Variants in AGMO observed in about 807,000 individuals in gnomAD.
AGMO encodes the protein alkylglycerol monooxygenase, also known as glyceryl-ether monooxygenase.
A neutral mutation model predicts 60.2 loss-of-function variants in AGMO; 75 were observed. The observed-to-expected ratio is 1.25, with a 90% CI of 1.03 to 1.51. AGMO has a LOEUF of 1.51. Among genes scored for constraint, AGMO ranks in the 40% most tolerant of loss-of-function variants. The pLI, the probability that AGMO is intolerant of heterozygous loss-of-function variation, is 0.00. For synonymous variants in AGMO, 261 were observed against 177.1 expected, an observed-to-expected ratio of 1.47 and a Z score of -3.76; for missense variants, 763 against 525.5, an observed-to-expected ratio of 1.45 and a Z score of -4.42.
At chr7:15,455,005 C>A (rs1781961316) in intron 3 of AGMO, among the ~76,000 whole-genome samples, 1 of 151,606 alleles carries the variant, frequency 6.6e-6, no homozygotes, top group Non-Finnish European at 1.5e-5. Flanking sequence ...TTTTATATGT[C>A]AACTACTCAC....
chr7:15,236,010 G>A (rs1782408091), intron 12 of AGMO, among the ~76,000 whole-genome samples: 1 of 152,012 alleles, frequency 6.6e-6, no homozygotes. Flanking sequence ...GGGACCTCAA[G>A]AGCAAGTTTA....
intron 12 of AGMO, among the ~76,000 whole-genome samples, chr7:15,297,314 G>T (rs1784432752): frequency 1.3e-5 from 2 of 152,104 alleles, no homozygotes; most frequent in South Asian, 4.1e-4. Context: ...ACTTCTAAAG[G>T]ACAAGAGTAC....
chr7:15,375,038 C>T (rs1328671178), intron 10 of AGMO, among the ~76,000 whole-genome samples: 2 of 152,054 alleles, frequency 1.3e-5, no homozygotes, highest in African/African-American at 4.8e-5. Context: ...TGGACATTCA[C>T]TAAGTAGAGA....
intron 3 of AGMO, among the ~76,000 whole-genome samples, chr7:15,492,607 T>TTTAATA (rs1554278967): frequency 6.7e-6 from 1 of 149,634 alleles, no homozygotes; most frequent in Non-Finnish European, 1.5e-5. Context: ...TGAGGAGGTT[T>TTTAATA]TTATTATTAT....
At chr7:15,127,678 A>G in the AGMO span, among the ~76,000 whole-genome samples, 2 of 152,148 alleles carry the variant, frequency 1.3e-5, no homozygotes, top group Non-Finnish European at 2.9e-5. Flanking sequence ...TGCTAAGAAT[A>G]GCTTTTCTAA....
rs1318225184 is a variant in AGMO, at chr7:15,311,725, A to T, written c.1263+53789T>A. ...AATAGGAGGTAATAAATTTCACAAG[A>T]AAACAAAGCATTTAAGTGAGAACAC... On this transcript the variant is annotated intron_variant, in intron 12 of 12. Coordinates refer to ENST00000342526, the MANE Select transcript of AGMO (RefSeq NM_001004320.2). Among the ~76,000 whole-genome samples the T allele has an allele frequency of 2.6e-5, 4 of 152,334 alleles. 1 individual carries two copies. Among genetic ancestry groups the T allele is most frequent in the Admixed American group, 2.0e-4 (3 of 15,296 alleles).
chr7:15,206,236 A>G (rs1171761479), intron 12 of AGMO, among the ~76,000 whole-genome samples: 1 of 152,096 alleles, frequency 6.6e-6, no homozygotes, highest in Admixed American at 6.5e-5. Context: ...TCAGAAATAC[A>G]TTAGATAATT....
rs528063137 is a variant in AGMO, at chr7:15,320,574, A to G, written c.1263+44940T>C. Among the ~76,000 whole-genome samples the G allele has an allele frequency of 5.0e-4, 76 of 152,256 alleles. 2 individuals are homozygous for G. In the South Asian group the frequency reaches 0.016, roughly 31 times the overall value. On this transcript the variant is annotated intron_variant, in intron 12 of 12. Coordinates refer to ENST00000342526, the MANE Select transcript of AGMO (RefSeq NM_001004320.2). ...GGCATCTTCATAATTGGGGAATAATAAAAAGGAGTATTAAATATAAACTTA... is the reference window on the plus strand; with the variant it reads ...GGCATCTTCATAATTGGGGAATAATGAAAAGGAGTATTAAATATAAACTTA...
At chr7:15,511,717 A>C (rs948620107) in intron 3 of AGMO, among the ~76,000 whole-genome samples, 4 of 152,256 alleles carry the variant, frequency 2.6e-5, no homozygotes, top group African/African-American at 9.6e-5. Context: ...CAAAGTATAC[A>C]TGTTTCATTG....
intron 3 of AGMO, among the ~76,000 whole-genome samples, chr7:15,497,965 A>G (rs1783278128): frequency 6.6e-6 from 1 of 151,982 alleles, no homozygotes; most frequent in South Asian, 2.1e-4. Context: ...ATCATGCTTG[A>G]TGGGAGAAGT....
At chr7:15,558,005 C>G (rs6954693) in intron 2 of AGMO, among the ~76,000 whole-genome samples, 18 of 140,360 alleles carry the variant, frequency 1.3e-4, no homozygotes, top group African/African-American at 5.8e-4. Flanking sequence ...CCTTCTCTCT[C>G]TCTCTCTCTC....
intron 3 of AGMO, among the ~76,000 whole-genome samples, chr7:15,485,426 A>C (rs1454919090): frequency 6.6e-6 from 1 of 152,200 alleles, no homozygotes; most frequent in African/African-American, 2.4e-5. Context: ...AGTTCAGAAG[A>C]TGGAAACAAA....
the AGMO span, among the ~76,000 whole-genome samples, chr7:15,156,890 G>A: frequency 6.6e-6 from 1 of 152,122 alleles, no homozygotes; most frequent in Admixed American, 6.6e-5. Flanking sequence ...TTTTCTTTCA[G>A]CACATTGAAC....
At chr7:15,553,389 G>T (rs1354326376) in intron 2 of AGMO, among the ~76,000 whole-genome samples, 4 of 151,694 alleles carry the variant, frequency 2.6e-5, no homozygotes, top group Non-Finnish European at 5.9e-5. Context: ...ACAAAGTGTA[G>T]TAGAAAGTTG....
At chr7:15,354,431 TGTGTGTATACACAC>T (rs1782412727) in intron 12 of AGMO, among the ~76,000 whole-genome samples, 4 of 26,148 alleles carry the variant, frequency 1.5e-4, no homozygotes, top group Non-Finnish European at 2.2e-4. Context: ...TACACACACG[TGTGTGTATACACAC>T]GTGTGTGTAT....
At chr7:15,342,960 T>G (rs962531952) in intron 12 of AGMO, among the ~76,000 whole-genome samples, 1 of 152,098 alleles carries the variant, frequency 6.6e-6, no homozygotes, top group African/African-American at 2.4e-5. Flanking sequence ...ATACTTAGAA[T>G]GGAGCAGACT....
intron 10 of AGMO, among the ~76,000 whole-genome samples, chr7:15,367,342 T>G (rs1440615936): frequency 2.0e-5 from 3 of 151,994 alleles, no homozygotes; most frequent in African/African-American, 7.2e-5. Flanking sequence ...ATATTAAAAT[T>G]TAATGTTTAT....
At chr7:15,403,520 A>C (rs772496230) in intron 5 of AGMO, among the ~76,000 whole-genome samples, 1 of 151,938 alleles carries the variant, frequency 6.6e-6, no homozygotes, top group Non-Finnish European at 1.5e-5. Context: ...ATAAATGACA[A>C]CATCAGCATT....
At chr7:15,181,761 T>C in the AGMO span, among the ~76,000 whole-genome samples, 1 of 152,178 alleles carries the variant, frequency 6.6e-6, no homozygotes, top group South Asian at 2.1e-4. Flanking sequence ...ATAGTTTTAG[T>C]ATGTACAGCT....
Sources: gnomAD v4.1 joint callset for allele counts (sites outside exome capture counted in the v4.1 genomes callset) on GRCh38, gnomAD v4.1.1 for gene constraint, MANE v1.5 for transcripts, NCBI Gene and HGNC (gene_info 2026-07-23, HGNC 2026-07-21) for gene names.